Variants in WDR70 observed in about 807,000 individuals in gnomAD.
WDR70 encodes the protein WD repeat-containing protein 70.
A neutral mutation model predicts 88.6 loss-of-function variants in WDR70; 53 were observed. The observed-to-expected ratio is 0.60, with a 90% confidence interval of 0.48 to 0.75. WDR70 has a LOEUF of 0.75. Ranked by LOEUF, WDR70 falls within the 30% of genes least tolerant of loss-of-function variation. The probability of loss-of-function intolerance (pLI) is 0.00; values close to 1 mark genes in which losing one functional copy is unlikely to be tolerated. For synonymous variants in WDR70, 280 were observed against 270.0 expected (o/e 1.04, Z -0.36); for missense variants, 610 against 823.2 (o/e 0.74, Z 3.17).
At chr5:37,486,496 AC>A (rs35452584) in intron 8 of WDR70, among the ~76,000 whole-genome samples, 93,423 of 151,438 alleles carry the variant, frequency 0.62, 29,671 homozygotes, top group Non-Finnish European at 0.69. Flanking sequence ...GGCGCCCGAC[AC>A]CCACGCTGGG....
chr5:37,580,630 GTT>G (rs1165441563), intron 9 of WDR70, among the ~76,000 whole-genome samples: 2 of 152,090 alleles, frequency 1.3e-5, no homozygotes, highest in Admixed American at 1.3e-4. Flanking sequence ...TACCAGATTT[GTT>G]TTGTTTTTTG....
At chr5:37,680,926 A>G (rs1021217288) in intron 10 of WDR70, among the ~76,000 whole-genome samples, 1 of 152,150 alleles carries the variant, frequency 6.6e-6, no homozygotes, top group African/African-American at 2.4e-5. Flanking sequence ...GCTTTAAATA[A>G]TGTTAAAATA....
intron 2 of WDR70, among the ~76,000 whole-genome samples, chr5:37,381,016 G>A (rs1040030183): frequency 6.6e-6 from 1 of 152,128 alleles, no homozygotes; most frequent in Non-Finnish European, 1.5e-5. Context: ...GCCAAATAGG[G>A]GAAAATTTTA....
chr5:37,400,425 T>C (rs149230921), intron 5 of WDR70, among the ~76,000 whole-genome samples: 1 of 152,324 alleles, frequency 6.6e-6, no homozygotes, highest in East Asian at 1.9e-4. Flanking sequence ...ATCATTGTTT[T>C]TAAGTTCTCT....
intron 10 of WDR70, among the ~76,000 whole-genome samples, chr5:37,613,508 C>T (rs989527356): frequency 6.6e-6 from 1 of 152,256 alleles, no homozygotes; most frequent in South Asian, 2.1e-4. Flanking sequence ...TCTTATAATT[C>T]CCTCCTCTGC....
chr5:37,490,383 T>C (rs1581331998), intron 8 of WDR70, among the ~76,000 whole-genome samples: 1 of 150,874 alleles, frequency 6.6e-6, no homozygotes, highest in South Asian at 2.1e-4. Context: ...ATGACAGAGG[T>C]GGTGGGGGTG....
At chr5:37,383,865 G>T (rs1466926512) in intron 3 of WDR70, among the ~76,000 whole-genome samples, 2 of 152,150 alleles carry the variant, frequency 1.3e-5, no homozygotes, top group East Asian at 3.9e-4. Context: ...TTACAGGTGT[G>T]AGCCACTGCA....
intron 8 of WDR70, chr5:37,506,335 A>C: frequency 1.1e-6 from 1 of 901,732 alleles, no homozygotes; most frequent in South Asian, 1.3e-5. Context: ...TCAATACCAA[A>C]AAATCTTGCT....
intron 5 of WDR70, among the ~76,000 whole-genome samples, chr5:37,434,466 C>T (rs996483290): frequency 6.6e-6 from 1 of 152,142 alleles, no homozygotes; most frequent in Non-Finnish European, 1.5e-5. Flanking sequence ...GAGAAAATAG[C>T]GCTCATTTTC....
chr5:37,584,554 A>G (rs1373431226), intron 9 of WDR70, among the ~76,000 whole-genome samples: 1 of 152,192 alleles, frequency 6.6e-6, no homozygotes. Context: ...TTTGGCATAT[A>G]AAATTTTATC....
At chr5:37,472,413 A>C (rs1167355975) in intron 7 of WDR70, among the ~76,000 whole-genome samples, 1 of 152,060 alleles carries the variant, frequency 6.6e-6, no homozygotes, top group Non-Finnish European at 1.5e-5. Flanking sequence ...TTTACTCAAT[A>C]AAATGTTTAT....
At chr5:37,441,863 A>G (rs548910999) in intron 6 of WDR70, among the ~76,000 whole-genome samples, 2 of 152,222 alleles carry the variant, frequency 1.3e-5, no homozygotes, top group East Asian at 1.9e-4. Flanking sequence ...ACTGTGTCCA[A>G]TGTATAGTAA....
intron 3 of WDR70, among the ~76,000 whole-genome samples, chr5:37,390,583 G>A (rs1288767557): frequency 2.0e-5 from 3 of 151,670 alleles, no homozygotes; most frequent in African/African-American, 7.3e-5. Flanking sequence ...CTCGTGATCC[G>A]CCTGTCTCGG....
chr5:37,689,556 C>A (rs1746721412), intron 10 of WDR70, among the ~76,000 whole-genome samples: 1 of 152,232 alleles, frequency 6.6e-6, no homozygotes, highest in African/African-American at 2.4e-5. Flanking sequence ...GCTGGTGATA[C>A]TCAGGCAAAC....
At chr5:37,631,454 A>C (rs1744815932) in intron 10 of WDR70, among the ~76,000 whole-genome samples, 1 of 152,202 alleles carries the variant, frequency 6.6e-6, no homozygotes, top group Non-Finnish European at 1.5e-5. Context: ...AGTAGTAATA[A>C]TAATTATTTT....
chr5:37,704,604 G>A (rs72743169), intron 13 of WDR70, among the ~76,000 whole-genome samples: 8,025 of 152,158 alleles, frequency 0.053, 264 homozygotes, highest in Middle Eastern at 0.11. Flanking sequence ...GTTTGGTTTC[G>A]TCTGTCTTCT....
intron 9 of WDR70, among the ~76,000 whole-genome samples, chr5:37,553,047 C>A (rs1742190216): frequency 1.3e-5 from 2 of 152,322 alleles, no homozygotes; most frequent in South Asian, 4.2e-4. Flanking sequence ...GTGCTTGAAT[C>A]TTCAGTAAGT....
At chr5:37,683,177 TC>T (rs1746489879) in intron 10 of WDR70, among the ~76,000 whole-genome samples, 1 of 152,232 alleles carries the variant, frequency 6.6e-6, no homozygotes, top group African/African-American at 2.4e-5. Context: ...TTTTCTGTTT[TC>T]CATTTGCTTG....
At chr5:37,629,960 G>A (rs1392692493) in intron 10 of WDR70, among the ~76,000 whole-genome samples, 2 of 152,138 alleles carry the variant, frequency 1.3e-5, no homozygotes, top group South Asian at 2.1e-4. Flanking sequence ...TTGGGTTGTT[G>A]ATTTGATGGA....
Sources: gnomAD v4.1 joint callset for allele counts (sites outside exome capture counted in the v4.1 genomes callset) on GRCh38, gnomAD v4.1.1 for gene constraint, MANE v1.5 for transcripts, NCBI Gene and HGNC (gene_info 2026-07-23, HGNC 2026-07-21) for gene names.